The following MALRD1 variants were observed in gnomAD, a reference collection of about 807,000 sequenced individuals.
MALRD1 encodes the protein MAM and LDL receptor class A domain containing 1.
A neutral mutation model predicts 242.1 loss-of-function variants in MALRD1; 247 were observed. The observed-to-expected ratio is 1.02, with a 90% CI of 0.92 to 1.13. The LOEUF (loss-of-function observed/expected upper bound fraction) is 1.13. MALRD1 is among the 50% of genes most tolerant of loss of function. The pLI, the probability that MALRD1 is intolerant of heterozygous loss-of-function variation, is 0.00. For synonymous variants in MALRD1, 995 were observed against 866.6 expected (o/e 1.15, Z -2.60); for missense variants, 2,989 against 2,533.1 (o/e 1.18, Z -3.86).
At chr10:19,727,831 A>G (rs1406642412) in intron 38 of MALRD1, among the ~76,000 whole-genome samples, 1 of 151,840 alleles carries the variant, frequency 6.6e-6, no homozygotes, top group African/African-American at 2.4e-5. Context: ...AACTGGCAGG[A>G]AACTTTATAA....
chr10:19,615,600 AT>A (rs927514782), intron 35 of MALRD1, among the ~76,000 whole-genome samples: 1 of 151,548 alleles, frequency 6.6e-6, no homozygotes, highest in Non-Finnish European at 1.5e-5. Flanking sequence ...CAAGTAAATA[AT>A]TTTTTAAAAA....
intron 13 of MALRD1, among the ~76,000 whole-genome samples, chr10:19,174,013 G>T (rs1564443156): frequency 6.6e-6 from 1 of 152,130 alleles, no homozygotes; most frequent in Non-Finnish European, 1.5e-5. Flanking sequence ...TGACATAGGG[G>T]CCTTCAAAAA....
At chr10:19,721,186 G>A (rs1834730605) in intron 38 of MALRD1, among the ~76,000 whole-genome samples, 2 of 152,060 alleles carry the variant, frequency 1.3e-5, no homozygotes, top group Non-Finnish European at 2.9e-5. Flanking sequence ...AATTAAAAAT[G>A]GAAACCCCAG....
intron 18 of MALRD1, among the ~76,000 whole-genome samples, chr10:19,216,167 G>C (rs1366880233): frequency 7.1e-6 from 1 of 141,326 alleles, no homozygotes; most frequent in Non-Finnish European, 1.5e-5. Context: ...ACCCAGGCTG[G>C]AGTGCAGTGG....
At chr10:19,367,395 C>T (rs1034280673) in intron 26 of MALRD1, among the ~76,000 whole-genome samples, 4 of 152,116 alleles carry the variant, frequency 2.6e-5, no homozygotes, top group African/African-American at 9.7e-5. Flanking sequence ...GCTTATTTCA[C>T]TTAACATAAT....
intron 1 of MALRD1, among the ~76,000 whole-genome samples, chr10:19,057,600 C>A (rs1444749915): frequency 6.6e-6 from 1 of 152,076 alleles, no homozygotes; most frequent in East Asian, 1.9e-4. Context: ...ATATGTAGAG[C>A]CTATTGGAAG....
chr10:19,101,776 T>G (rs1836269156), intron 4 of MALRD1, among the ~76,000 whole-genome samples: 1 of 136,040 alleles, frequency 7.4e-6, no homozygotes, highest in African/African-American at 2.6e-5. Context: ...TATATTATAT[T>G]ATTATATATC....
At chr10:19,385,310 G>A (rs1347508437) in intron 26 of MALRD1, among the ~76,000 whole-genome samples, 1 of 152,024 alleles carries the variant, frequency 6.6e-6, no homozygotes, top group Non-Finnish European at 1.5e-5. Flanking sequence ...AAGAGTTTGA[G>A]AAGGATTAAT....
intron 36 of MALRD1, among the ~76,000 whole-genome samples, chr10:19,645,589 G>A (rs571192531): frequency 1.3e-4 from 20 of 152,250 alleles, no homozygotes; most frequent in Non-Finnish European, 1.6e-4. Flanking sequence ...GGACATGGGT[G>A]AAGCTGGAAA....
intron 36 of MALRD1, among the ~76,000 whole-genome samples, chr10:19,638,248 CT>C (rs917395906): frequency 3.0e-4 from 45 of 151,650 alleles, no homozygotes; most frequent in African/African-American, 1.0e-3. Flanking sequence ...CCAAAGGCTA[CT>C]TTTTTTCCCT....
At chr10:19,648,710 C>T (rs1053276798) in intron 36 of MALRD1, among the ~76,000 whole-genome samples, 1 of 152,170 alleles carries the variant, frequency 6.6e-6, no homozygotes, top group African/African-American at 2.4e-5. Flanking sequence ...CTGATTATTG[C>T]AGTTACCATC....
intron 2 of MALRD1, among the ~76,000 whole-genome samples, chr10:19,069,982 C>A (rs1016161753): frequency 1.3e-5 from 2 of 152,036 alleles, no homozygotes; most frequent in African/African-American, 4.8e-5. Flanking sequence ...GTATTTCAAT[C>A]ATCAGTGTGT....
intron 33 of MALRD1, among the ~76,000 whole-genome samples, chr10:19,571,478 C>T (rs1836535683): frequency 6.6e-6 from 1 of 152,074 alleles, no homozygotes; most frequent in Non-Finnish European, 1.5e-5. Context: ...CCCAGAAATG[C>T]TGGATAAAGG....
At chr10:19,646,914 C>G (rs1375532055) in intron 36 of MALRD1, among the ~76,000 whole-genome samples, 1 of 152,164 alleles carries the variant, frequency 6.6e-6, no homozygotes, top group Non-Finnish European at 1.5e-5. Flanking sequence ...TAATCCTTAA[C>G]TGAAAACTCC....
At chr10:19,090,002 A>T (rs1226855814) in intron 4 of MALRD1, among the ~76,000 whole-genome samples, 52 of 66,772 alleles carry the variant, frequency 7.8e-4, no homozygotes, top group African/African-American at 4.5e-3. Context: ...CTTGTAGTAT[A>T]GTTTGAAGTC....
chr10:19,094,864 C>G (rs942670221), intron 4 of MALRD1, among the ~76,000 whole-genome samples: 4 of 152,254 alleles, frequency 2.6e-5, no homozygotes, highest in South Asian at 4.1e-4. Flanking sequence ...CCTAATAAAA[C>G]TTATGCATGG....
chr10:19,411,712 A>C (rs1210436666), intron 28 of MALRD1, among the ~76,000 whole-genome samples: 1 of 152,140 alleles, frequency 6.6e-6, no homozygotes, highest in East Asian at 1.9e-4. Context: ...AATTCCACAC[A>C]CAGCCTTTAC....
chr10:19,235,578 C>CAGAGAGAGAGAGAGAG lies in MALRD1; in HGVS notation c.2992-22085_2992-22070dup, dbSNP rs34117417. On this transcript the variant is annotated intron_variant, in intron 18 of 39. Coordinates refer to ENST00000454679, the MANE Select transcript of MALRD1 (RefSeq NM_001142308.3). ...ACACACACACCCACACCCACACCCACAGAGAGAGAGAGAGAGAGAGAGAGA... is the reference window on the plus strand; with the variant it reads ...ACACACACACCCACACCCACACCCACAGAGAGAGAGAGAGAGAGAGAGAGAGAGAGAGAGAGAGAGA... 3.3e-3 allele frequency among the ~76,000 whole-genome samples: 431 copies of CAGAGAGAGAGAGAGAG among 132,434 alleles called. 6 individuals carry two copies. Among genetic ancestry groups the CAGAGAGAGAGAGAGAG allele is most frequent in the South Asian group, 0.015 (50 of 3,366 alleles). The allele number at this position is 132,434 out of a possible 152,430, so 86.9% of individuals were successfully genotyped here. A position where few individuals can be genotyped will look rare whatever the true frequency, so the allele number is the denominator to read the frequency against.
At chr10:19,328,516 C>G (rs1388647073) in intron 23 of MALRD1, among the ~76,000 whole-genome samples, 1 of 152,090 alleles carries the variant, frequency 6.6e-6, no homozygotes, top group Non-Finnish European at 1.5e-5. Flanking sequence ...CATTTTCACT[C>G]TTCCATGTGC....
Sources: gnomAD v4.1 joint callset for allele counts (sites outside exome capture counted in the v4.1 genomes callset) on GRCh38, gnomAD v4.1.1 for gene constraint, MANE v1.5 for transcripts, NCBI Gene and HGNC (gene_info 2026-07-23, HGNC 2026-07-21) for gene names.